MAN2B2: variants seen among roughly 807,000 people sequenced by gnomAD.
The protein encoded by MAN2B2 is epididymis-specific alpha-mannosidase.
In MAN2B2, 106 loss-of-function variants were observed where a neutral mutation model predicts 117.1. That is an observed-to-expected ratio of 0.90 (90% CI 0.77 to 1.06). The LOEUF (loss-of-function observed/expected upper bound fraction) is 1.06, where lower values mean the gene tolerates loss of function less well. Ranked by LOEUF, MAN2B2 falls within the 50% of genes least tolerant of loss-of-function variation. The pLI is 0.00. For missense variants in MAN2B2, 1,326 were observed against 1,381.4 expected (o/e 0.96, Z 0.64); for synonymous variants, 544 against 595.1 (o/e 0.91, Z 1.25).
At chr4:6,601,332 C>T (rs535973173) in intron 10 of MAN2B2, among the ~76,000 whole-genome samples, 2 of 152,168 alleles carry the variant, frequency 1.3e-5, no homozygotes, top group South Asian at 2.1e-4. Flanking sequence ...GGGGAAACCT[C>T]GTCTCTAACT....
chr4:6,594,526 C>T lies in MAN2B2; in HGVS notation c.859-8C>T. 2 of 1,611,952 alleles carry T rather than the reference C, an allele frequency of 1.2e-6. No individual in the cohort carries two copies. Among genetic ancestry groups the T allele is most frequent in the Non-Finnish European group, 1.7e-6 (2 of 1,179,960 alleles). Reference sequence around the variant, plus strand: ...ACGGCACAGGATGTTGCTCCCATGTCCCTGCAGGGATGTGACAAGCAGTTC... The same window carrying T: ...ACGGCACAGGATGTTGCTCCCATGTTCCTGCAGGGATGTGACAAGCAGTTC... On this transcript the variant is annotated splice_polypyrimidine_tract_variant and splice_region_variant and intron_variant, in intron 6 of 18. Coordinates refer to ENST00000285599, the MANE Select transcript of MAN2B2 (RefSeq NM_015274.3).
At chr4:6,593,389 C>A in intron 6 of MAN2B2, 39 bp downstream of exon 6, 1 of 1,573,432 alleles carries the variant, frequency 6.4e-7, no homozygotes, top group Non-Finnish European at 8.6e-7. Flanking sequence ...TCAACACAGC[C>A]CAAGGAGCAC....
rs1229292594 is a variant in MAN2B2, at chr4:6,594,519, C to T, written c.859-15C>T. On this transcript the variant is annotated splice_polypyrimidine_tract_variant and intron_variant, in intron 6 of 18. Transcript: ENST00000285599. ...TGCTCCCACGGCACAGGATGTTGCT[C>T]CCATGTCCCTGCAGGGATGTGACAA... 2 of 1,611,116 alleles carry T rather than the reference C, an allele frequency of 1.2e-6. No individual in the cohort carries two copies. The highest frequency in any genetic ancestry group is 1.7e-6 in the Non-Finnish European group (2 of 1,179,814).
intron 4 of MAN2B2, among the ~76,000 whole-genome samples, chr4:6,587,990 C>T (rs1027711292): frequency 2.0e-5 from 3 of 151,706 alleles, no homozygotes; most frequent in Non-Finnish European, 4.4e-5. Flanking sequence ...AACTCCTGTC[C>T]TCAAGCGATC....
At chr4:6,610,137 T>A in intron 13 of MAN2B2, 87 bp downstream of exon 13, 1 of 1,541,182 alleles carries the variant, frequency 6.5e-7, no homozygotes, top group Non-Finnish European at 8.8e-7. Flanking sequence ...TAGAGGCCAG[T>A]AGAGGCCTCC....
rs4234768 is a variant in MAN2B2, at chr4:6,621,305, G to T, written c.*20G>T. The T allele has an allele frequency of 0.99, 1,586,054 of 1,602,524 alleles. 785,813 individuals carry two copies. The highest frequency in any genetic ancestry group is 1 in the Non-Finnish European group (1,169,536 of 1,169,980). ...CAGTGAGCCCTGGGCAGATGCCCCG[G>T]CCCCAGGGCTTCCCCCAGGAACTCC... On this transcript the variant is annotated 3_prime_UTR_variant, in exon 19 of 19. Coordinates refer to ENST00000285599, the MANE Select transcript of MAN2B2 (RefSeq NM_015274.3).
At chr4:6,578,322 G>T in intron 2 of MAN2B2, 71 bp from the exon 3 acceptor site, 1 of 1,147,572 alleles carries the variant, frequency 8.7e-7, no homozygotes, top group Non-Finnish European at 1.3e-6. Context: ...CGCTGTAGGT[G>T]TGTTCCCCAC....
chr4:6,614,371 T>C lies in MAN2B2; in HGVS notation c.2701+16T>C. On this transcript the variant is annotated intron_variant, in intron 16 of 18. Transcript: ENST00000285599. ...CTCCGGAAAGGTGAGGCAGGTGCCC[T>C]GGCGTCTCAGACCTGCTCCTCCCTC... The C allele has an allele frequency of 6.2e-7, 1 of 1,612,314 alleles. No individual in the cohort carries two copies. The highest frequency in any genetic ancestry group is 8.5e-7 in the Non-Finnish European group (1 of 1,178,970).
chr4:6,601,631 G>A (rs1182561975), intron 10 of MAN2B2, among the ~76,000 whole-genome samples: 1 of 152,170 alleles, frequency 6.6e-6, no homozygotes, highest in Non-Finnish European at 1.5e-5. Context: ...GCCCCATCCT[G>A]AAGCCACCTA....
chr4:6,597,116 C>T lies in MAN2B2; in HGVS notation c.1061C>T (p.Pro354Leu). The T allele has an allele frequency of 6.2e-7, 1 of 1,613,036 alleles. No homozygotes were observed. The highest frequency in any genetic ancestry group is 8.5e-7 in the Non-Finnish European group (1 of 1,179,662). The change falls in exon 8 of 19, where the codon CCA (proline) becomes CTA (leucine). Residue 354 changes from proline to leucine, a missense_variant. Coordinates refer to ENST00000285599, the MANE Select transcript of MAN2B2 (RefSeq NM_015274.3). Reference sequence around the variant, plus strand: ...ACCATCTTCCCTTGTCTCCCAGAACCATTCCAGGCCTGGACGGGCTTCTAC... The same window carrying T: ...ACCATCTTCCCTTGTCTCCCAGAACTATTCCAGGCCTGGACGGGCTTCTAC... Reference protein sequence around the residue: ...HHDFLPYSTEPFQAWTGFYTS... With the variant: ...HHDFLPYSTELFQAWTGFYTS...
intron 12 of MAN2B2, 181 bp downstream of exon 12, chr4:6,609,479 G>A: frequency 1.5e-6 from 1 of 677,894 alleles, no homozygotes. Flanking sequence ...TGCGTGTGCT[G>A]TGTCACGTTG....
chr4:6,579,334 CCACCACCA>C (rs1726311647), intron 3 of MAN2B2, among the ~76,000 whole-genome samples: 1 of 102,000 alleles, frequency 9.8e-6, no homozygotes, highest in African/African-American at 3.6e-5. Context: ...ACCACCACCA[CCACCACCA>C]TCACCATCAC....
chr4:6,604,898 G>T (rs556153900), intron 10 of MAN2B2, among the ~76,000 whole-genome samples, 157 bp from the exon 11 acceptor site: 33 of 152,186 alleles, frequency 2.2e-4, no homozygotes, highest in African/African-American at 7.7e-4. Context: ...TGGTTTGTGG[G>T]GGTCCAAGGG....
In MAN2B2 at chr4:6,600,654, C is replaced by G. The variant is rs1247267827; in HGVS notation, c.1437C>G (p.Val479=). 6.2e-7 allele frequency: 1 copy of G among 1,613,990 alleles called. No individual in the cohort carries two copies. The highest frequency in any genetic ancestry group is 2.2e-5 in the East Asian group (1 of 44,886). ...GACCTGCAGGACATTTTGCCTCGGT[C>G]TACAACCCGCTGGCCTGGACGGTCA... ...DAGPAGHFAS[V]YNPLAWTVTT... is the part of the protein sequence containing the mutation. The change falls in exon 10 of 19, where the codon GTC becomes GTG. Residue 479 remains valine, a synonymous_variant. Transcript: ENST00000285599.
In MAN2B2 at chr4:6,597,300, C is replaced by T. The variant is rs551929320; in HGVS notation, c.1245C>T (p.Ser415=). ...QQLQQLRWAV[S]EVQHHDAITG... is the part of the protein sequence containing the mutation. ...TCCAGCAGCTTCGCTGGGCCGTCTC[C>T]GAGGTAACACCACATTTAGCCACAG... Residue 415 remains serine, a synonymous_variant, in exon 8 of 19, where the codon TCC becomes TCT. Coordinates refer to ENST00000285599, the MANE Select transcript of MAN2B2 (RefSeq NM_015274.3). 3.9e-6 allele frequency: 6 copies of T among 1,539,934 alleles called. No individual in the cohort carries two copies. The highest frequency in any genetic ancestry group is 4.0e-5 in the Admixed American group (2 of 50,362).
chr4:6,575,222 G>T lies in MAN2B2; in HGVS notation c.12G>T (p.Leu4=). 6.6e-7 allele frequency: 1 copy of T among 1,516,188 alleles called. No individual in the cohort carries two copies. The highest frequency in any genetic ancestry group is 8.9e-7 in the Non-Finnish European group (1 of 1,128,722). 93.9% of individuals were successfully genotyped at this position (1,516,188 alleles called of 1,614,324 possible). MGQ[L]CWLPLLAPLL... ...GGCCTGCCGCAGGGATGGGGCAGCTGTGCTGGCTGCCGCTGCTGGCACCGC... is the reference window on the plus strand; with the variant it reads ...GGCCTGCCGCAGGGATGGGGCAGCTTTGCTGGCTGCCGCTGCTGGCACCGC... Residue 4 remains leucine (L), a synonymous_variant, in exon 1 of 19, where the codon CTG becomes CTT. Transcript: ENST00000285599.
chr4:6,599,667 A>G (rs982915791), intron 9 of MAN2B2, among the ~76,000 whole-genome samples: 19 of 151,666 alleles, frequency 1.3e-4, no homozygotes, highest in African/African-American at 4.6e-4. Flanking sequence ...CGTCTCAAAA[A>G]AAAAAAAAAA....
At chr4:6,609,027 GGAGA>G in intron 11 of MAN2B2, 76 bp from the exon 12 acceptor site, 1 of 1,366,034 alleles carries the variant, frequency 7.3e-7, no homozygotes, top group Non-Finnish European at 1.0e-6. Flanking sequence ...GATGGCATCT[GGAGA>G]GAGAGGCTTG....
intron 13 of MAN2B2, 112 bp downstream of exon 13, chr4:6,610,162 T>C: frequency 6.9e-7 from 1 of 1,445,942 alleles, no homozygotes. Flanking sequence ...AGAATGTTTT[T>C]TTCCTTTTTT....
Sources: allele counts gnomAD v4.1 joint callset (sites outside exome capture counted in the v4.1 genomes callset), GRCh38; gene constraint gnomAD v4.1.1; transcripts MANE v1.5; gene names NCBI Gene and HGNC (gene_info 2026-07-23, HGNC 2026-07-21).